PPP1R3A: variants seen among roughly 807,000 people sequenced by gnomAD.
The protein encoded by PPP1R3A is RG1.
PPP1R3A carries 29 observed loss-of-function variants against 41.7 expected under a neutral mutation model. The observed-to-expected ratio is 0.70, with a 90% CI of 0.52 to 0.95. The LOEUF is 0.95. Ranked by LOEUF, PPP1R3A falls within the 40% of genes least tolerant of loss-of-function variation. The probability of loss-of-function intolerance (pLI) is 0.00; values close to 1 mark genes in which losing one functional copy is unlikely to be tolerated. For synonymous variants in PPP1R3A, 485 were observed against 453.4 expected (o/e 1.07, Z -0.89); for missense variants, 1,352 against 1,292.4 (o/e 1.05, Z -0.71).
rs774117407 is a variant in PPP1R3A, at chr7:113,879,797, G to T, written c.1295C>A (p.Thr432Asn). 1.2e-6 allele frequency: 2 copies of T among 1,613,504 alleles called. No homozygotes were observed. The highest frequency in any genetic ancestry group is 4.5e-5 in the East Asian group (2 of 44,828). Residue 432 changes from threonine to asparagine, a missense_variant, in exon 4 of 4, where the codon ACT becomes AAT. Physicochemically the swap from Thr to Asn is moderately conservative, Grantham distance 65. Coordinates refer to ENST00000284601, the MANE Select transcript of PPP1R3A (RefSeq NM_002711.4). ...TSSDELVQLH[T>N]GSKEVLDDNA... ...ATCATCCAGGACTTCTTTGCTGCCA[G>T]TATGTAATTGCACTAGTTCATCACT...
chr7:113,900,927 T>C (rs1797051172), intron 1 of PPP1R3A, among the ~76,000 whole-genome samples: 1 of 151,554 alleles, frequency 6.6e-6, no homozygotes, highest in Non-Finnish European at 1.5e-5. Flanking sequence ...AAATGATAGC[T>C]ACAATGATTA....
In PPP1R3A at chr7:113,877,751, C is replaced by A; in HGVS notation, c.3341G>T (p.Arg1114Ile). ...CTTCTTTTTGACAGACTCTTTTTGT[C>A]TACCCTCTTCCCAGGATAGCCAGGA... is the stretch of plus-strand genomic sequence containing the variant. ...SLSWLSWEEGRQKESVKKK is the reference protein window; with the variant it reads ...SLSWLSWEEGIQKESVKKK Residue 1114 changes from arginine (R) to isoleucine (I), a missense_variant, in exon 4 of 4, where the codon AGA becomes ATA. Arg to Ile is a moderately conservative substitution (Grantham distance 97, BLOSUM62 -3). Transcript: ENST00000284601. The A allele has an allele frequency of 6.4e-7, 1 of 1,570,370 alleles. No individual in the cohort carries two copies. Among genetic ancestry groups the A allele is most frequent in the South Asian group, 1.2e-5 (1 of 82,380 alleles).
chr7:113,880,265 A>G, intron 3 of PPP1R3A, 140 bp from the exon 4 acceptor site: 2 of 866,088 alleles, frequency 2.3e-6, no homozygotes, highest in Admixed American at 5.7e-5. Context: ...TTTCATATAA[A>G]CTCTGGAAGC....
chr7:113,913,885 T>C (rs1797294563), intron 1 of PPP1R3A, among the ~76,000 whole-genome samples: 1 of 152,160 alleles, frequency 6.6e-6, no homozygotes, highest in African/African-American at 2.4e-5. Flanking sequence ...CCTTCATTTC[T>C]CTCTGCTTTT....
rs750740646 is a variant in PPP1R3A, at chr7:113,877,885, T to G, written c.3207A>C (p.Ser1069=). ...SQAQGNESLF[S]KYTNSKIPYF... The stretch of plus-strand genomic sequence containing the variant: ...AAGGTATTTTAGAGTTGGTATATTT[T>G]GAAAACAAAGATTCGTTGCCTTGAG... Residue 1069 remains serine (S), a synonymous_variant, in exon 4 of 4, where the codon TCA becomes TCC. Coordinates refer to ENST00000284601, the MANE Select transcript of PPP1R3A (RefSeq NM_002711.4). 6.2e-6 allele frequency: 10 copies of G among 1,612,086 alleles called. No homozygotes were observed. In the Admixed American group the frequency reaches 1.5e-4, roughly 24 times the overall value.
Position 113,911,372 on chromosome 7 carries a change from C to T in PPP1R3A, c.782+6843G>A, listed in dbSNP as rs564193094. Among the ~76,000 whole-genome samples the T allele has an allele frequency of 1.8e-4, 28 of 152,118 alleles. 1 individual carries two copies. The South Asian group carries it at 2.7e-3, about 15-fold the overall frequency. On this transcript the variant is annotated intron_variant, in intron 1 of 3. Coordinates refer to ENST00000284601, the MANE Select transcript of PPP1R3A (RefSeq NM_002711.4). The stretch of plus-strand genomic sequence containing the variant: ...CTCTGAAAAGAGATATATTCCTTTT[C>T]GTATAGTTGTGGGATACATAGAATG...
chr7:113,879,748 A>T lies in PPP1R3A; in HGVS notation c.1344T>A (p.Asn448Lys). 1.9e-6 allele frequency: 3 copies of T among 1,613,300 alleles called. No individual in the cohort carries two copies. Among genetic ancestry groups the T allele is most frequent in the Non-Finnish European group, 2.5e-6 (3 of 1,179,684 alleles). ...LDDNANPAHG[N>K]GTVQIPCPSS... ...AGGGGCAAGGTATTTGCACTGTGCC[A>T]TTGCCATGGGCTGGATTAGCATTAT... The change falls in exon 4 of 4, where the codon AAT becomes AAA. Residue 448 changes from asparagine (N) to lysine (K), a missense_variant. Coordinates refer to ENST00000284601, the MANE Select transcript of PPP1R3A (RefSeq NM_002711.4).
In PPP1R3A at chr7:113,918,820, T is replaced by C. The variant is rs746010219; in HGVS notation, c.177A>G (p.Ser59=). The C allele has an allele frequency of 3.7e-6, 6 of 1,613,798 alleles. No individual in the cohort carries two copies. The Admixed American group carries it at 6.7e-5, about 18-fold the overall frequency. ...SEDIYLDTPS[S]GTRRVSFADS... ...CAGCAAATGAAACTCTTCTAGTACC[T>C]GAAGATGGGGTATCCAGGTATATGT... The change falls in exon 1 of 4, where the codon TCA becomes TCG. Residue 59 remains serine, a synonymous_variant. Coordinates refer to ENST00000284601, the MANE Select transcript of PPP1R3A (RefSeq NM_002711.4).
intron 1 of PPP1R3A, among the ~76,000 whole-genome samples, chr7:113,916,468 G>C (rs1466808377): frequency 6.6e-6 from 1 of 152,054 alleles, no homozygotes; most frequent in Non-Finnish European, 1.5e-5. Flanking sequence ...CTTTGCCTTG[G>C]TATCAGTCAA....
chr7:113,883,189 A>G (rs1562918483), intron 1 of PPP1R3A, among the ~76,000 whole-genome samples: 1 of 152,052 alleles, frequency 6.6e-6, no homozygotes, highest in Non-Finnish European at 1.5e-5. Context: ...GTCACAAGTC[A>G]ATTATAAGAA....
chr7:113,877,900 G>C lies in PPP1R3A; in HGVS notation c.3192C>G (p.Asn1064Lys). 1 of 1,612,726 alleles carries C rather than the reference G, an allele frequency of 6.2e-7. No individual in the cohort carries two copies. Among genetic ancestry groups the C allele is most frequent in the Non-Finnish European group, 8.5e-7 (1 of 1,179,050 alleles). ...TGGTATATTTTGAAAACAAAGATTC[G>C]TTGCCTTGAGCTTGACTTTCCTCAA... ...LPVEESQAQG[N>K]ESLFSKYTNS... The change falls in exon 4 of 4, where the codon AAC (asparagine) becomes AAG (lysine). Residue 1064 changes from asparagine to lysine, a missense_variant. By Grantham distance (94) the Asn-to-Lys change is moderately conservative. Coordinates refer to ENST00000284601, the MANE Select transcript of PPP1R3A (RefSeq NM_002711.4).
Position 113,878,206 on chromosome 7 carries a change from A to G in PPP1R3A, c.2886T>C (p.Gly962=), listed in dbSNP as rs1288854202. The change falls in exon 4 of 4, where the codon GGT becomes GGC. Residue 962 remains glycine, a synonymous_variant. Transcript: ENST00000284601. ...NICNSTREIQ[G]IEKHPYPESK... ...ACTCAGGATAAGGGTGCTTCTCAATACCCTGGATTTCTCTTGTTGAATTAC... is the reference window on the plus strand; with the variant it reads ...ACTCAGGATAAGGGTGCTTCTCAATGCCCTGGATTTCTCTTGTTGAATTAC... 3 of 1,613,240 alleles carry G rather than the reference A, an allele frequency of 1.9e-6. No homozygotes were observed. The highest frequency in any genetic ancestry group is 2.5e-6 in the Non-Finnish European group (3 of 1,179,614).
intron 1 of PPP1R3A, among the ~76,000 whole-genome samples, chr7:113,883,618 G>A (rs933048260): frequency 6.6e-6 from 1 of 151,836 alleles, no homozygotes; most frequent in African/African-American, 2.4e-5. Context: ...GCTTAATGAG[G>A]TCAAAAATTA....
intron 1 of PPP1R3A, among the ~76,000 whole-genome samples, chr7:113,884,522 T>C (rs1056185258): frequency 2.6e-4 from 40 of 152,044 alleles, no homozygotes; most frequent in African/African-American, 9.4e-4. Flanking sequence ...ATAGGAAATA[T>C]GGTACTTTTC....
intron 3 of PPP1R3A, among the ~76,000 whole-genome samples, chr7:113,880,977 T>A (rs1397536642): frequency 3.3e-5 from 5 of 152,084 alleles, no homozygotes; most frequent in Admixed American, 3.3e-4. Context: ...ATGTACAATC[T>A]CAGTAACTTC....
Position 113,877,706 on chromosome 7 carries a change from G to A in PPP1R3A, c.*17C>T. 1 of 1,528,942 alleles carries A rather than the reference G, an allele frequency of 6.5e-7. No individual in the cohort carries two copies. Among genetic ancestry groups the A allele is most frequent in the Middle Eastern group, 1.8e-4 (1 of 5,632 alleles). The allele number at this position is 1,528,942 out of a possible 1,614,324, so 94.7% of individuals were successfully genotyped here. A position where few individuals can be genotyped will look rare whatever the true frequency, so the allele number is the denominator to read the frequency against. On this transcript the variant is annotated 3_prime_UTR_variant, in exon 4 of 4. Transcript: ENST00000284601. ...GTTAAATAGCTTATCTTTTAAGAGA[G>A]AATAGTAGTGCTGAGGTTACTTCTT...
Position 113,877,260 on chromosome 7 carries a change from TTGA to T in PPP1R3A, c.*460_*462del, listed in dbSNP as rs376558560. 0.66 allele frequency: 101,004 copies of T among 152,414 alleles called. 33,507 individuals carry two copies. Among genetic ancestry groups the T allele is most frequent in the South Asian group, 0.75 (3,665 of 4,858 alleles). 9.4% of individuals were successfully genotyped at this position (152,414 alleles called of 1,614,324 possible). A position where few individuals can be genotyped will look rare whatever the true frequency, so the allele number is the denominator to read the frequency against. Reference sequence around the variant, plus strand: ...TCAATGAATCCTGATAAATGATAAATTGAACAAATTTCATGTTCAATACTAAAA... The same window carrying T: ...TCAATGAATCCTGATAAATGATAAATACAAATTTCATGTTCAATACTAAAA... On this transcript the variant is annotated 3_prime_UTR_variant, in exon 4 of 4. Transcript: ENST00000284601.
In PPP1R3A at chr7:113,918,290, T is replaced by G. The variant is rs1797373458; in HGVS notation, c.707A>C (p.Gln236Pro). ...CCATGGTTTTACAGGCTCCGGCTCT[T>G]GTTCTTTCTTTTGACAAATGAATGT... ...NYTFICQKKE[Q>P]EPEPVKPWKE... Residue 236 changes from glutamine (Q) to proline (P), a missense_variant, in exon 1 of 4, where the codon CAA becomes CCA. By Grantham distance (76) the Gln-to-Pro change is moderately conservative (BLOSUM62 -1). Coordinates refer to ENST00000284601, the MANE Select transcript of PPP1R3A (RefSeq NM_002711.4). 6.2e-7 allele frequency: 1 copy of G among 1,612,248 alleles called. No homozygotes were observed. The highest frequency in any genetic ancestry group is 8.5e-7 in the Non-Finnish European group (1 of 1,179,202).
intron 1 of PPP1R3A, among the ~76,000 whole-genome samples, chr7:113,912,297 G>T (rs1032897335): frequency 1.3e-5 from 2 of 152,062 alleles, no homozygotes; most frequent in African/African-American, 4.8e-5. Context: ...GTGCCTCTGT[G>T]CAACTGACCT....
Sources: gnomAD v4.1 joint callset for allele counts (sites outside exome capture counted in the v4.1 genomes callset) on GRCh38, gnomAD v4.1.1 for gene constraint, MANE v1.5 for transcripts, NCBI Gene and HGNC (gene_info 2026-07-23, HGNC 2026-07-21) for gene names.